SCAPER: variants seen among roughly 807,000 people sequenced by gnomAD.
SCAPER encodes the protein S-phase cyclin A associated protein in the ER, also known as S phase cyclin A-associated protein in the endoplasmic reticulum.
A neutral mutation model predicts 182.2 loss-of-function variants in SCAPER; 98 were observed. That is an observed-to-expected ratio of 0.54 (90% CI 0.46 to 0.64). The LOEUF (loss-of-function observed/expected upper bound fraction) is 0.64, where lower values mean the gene tolerates loss of function less well. SCAPER is among the 30% of genes least tolerant of loss of function. The pLI is 0.00. For missense variants in SCAPER, 1,432 were observed against 1,690.0 expected (o/e 0.85, Z 2.68); for synonymous variants, 605 against 564.6 (o/e 1.07, Z -1.01).
intron 18 of SCAPER, 49 bp from the exon 19 acceptor site, chr15:76,703,051 G>A: frequency 4.0e-6 from 6 of 1,492,774 alleles, no homozygotes; most frequent in African/African-American, 1.4e-5. Context: ...TTCAAATTAT[G>A]GTGAGAAATT....
intron 6 of SCAPER, among the ~76,000 whole-genome samples, chr15:76,801,474 A>C (rs941366418): frequency 6.6e-6 from 1 of 152,214 alleles, no homozygotes; most frequent in African/African-American, 2.4e-5. Context: ...TTTACATTTA[A>C]ATCTCCAGGC....
intron 29 of SCAPER, among the ~76,000 whole-genome samples, chr15:76,366,361 C>T (rs140665722): frequency 1.3e-5 from 2 of 152,266 alleles, no homozygotes; most frequent in East Asian, 3.9e-4. Flanking sequence ...CTGGTCATAA[C>T]CTAATAGCTG....
At chr15:76,554,788 C>CTTT (rs71143339) in intron 23 of SCAPER, among the ~76,000 whole-genome samples, 1 of 71,118 alleles carries the variant, frequency 1.4e-5, no homozygotes, top group African/African-American at 3.3e-5. Context: ...ATTCAGCATT[C>CTTT]TTTTTTTTTT....
At chr15:76,713,577 A>C (rs2059714570) in intron 17 of SCAPER, among the ~76,000 whole-genome samples, 1 of 152,060 alleles carries the variant, frequency 6.6e-6, no homozygotes, top group Non-Finnish European at 1.5e-5. Context: ...GGAAATGAAC[A>C]ATGAGAACAC....
At chr15:76,378,662 G>A (rs370756314) in intron 28 of SCAPER, among the ~76,000 whole-genome samples, 4 of 152,162 alleles carry the variant, frequency 2.6e-5, no homozygotes, top group Non-Finnish European at 5.9e-5. Context: ...GCTTATGACT[G>A]ATTCAACCAA....
chr15:76,421,173 C>A (rs1360407668), intron 26 of SCAPER, among the ~76,000 whole-genome samples: 1 of 152,198 alleles, frequency 6.6e-6, no homozygotes, highest in Admixed American at 6.5e-5. Context: ...ATTTCTAGTT[C>A]TAGATCCTTG....
At chr15:76,709,335 C>T (rs1269755407) in intron 17 of SCAPER, among the ~76,000 whole-genome samples, 3 of 152,050 alleles carry the variant, frequency 2.0e-5, no homozygotes, top group Admixed American at 6.5e-5. Flanking sequence ...GGGGTTTCAC[C>T]ATGTTGGCCA....
chr15:76,762,678 C>A (rs750227840), intron 14 of SCAPER, among the ~76,000 whole-genome samples: 1 of 152,032 alleles, frequency 6.6e-6, no homozygotes, highest in Non-Finnish European at 1.5e-5. Context: ...TAACAGGATG[C>A]GGCTCTATTT....
intron 20 of SCAPER, among the ~76,000 whole-genome samples, chr15:76,699,145 C>G (rs141714639): frequency 1.3e-5 from 2 of 152,264 alleles, no homozygotes; most frequent in East Asian, 3.9e-4. Context: ...AGTTGTTTAT[C>G]AGATCTAGGA....
chr15:76,681,185 C>G (rs1350442257), intron 20 of SCAPER, among the ~76,000 whole-genome samples: 1 of 152,178 alleles, frequency 6.6e-6, no homozygotes, highest in African/African-American at 2.4e-5. Flanking sequence ...AAGCTCTCTA[C>G]TGTAATACAC....
chr15:76,423,057 T>C (rs529357368), intron 26 of SCAPER, among the ~76,000 whole-genome samples: 97 of 152,324 alleles, frequency 6.4e-4, no homozygotes, highest in Admixed American at 2.7e-3. Flanking sequence ...TTGATGTTCA[T>C]CAGGGATATT....
intron 25 of SCAPER, among the ~76,000 whole-genome samples, chr15:76,452,928 C>A (rs1318897587): frequency 6.6e-6 from 1 of 152,000 alleles, no homozygotes; most frequent in Non-Finnish European, 1.5e-5. Context: ...TCTCTTGGGC[C>A]CAAGTGATCC....
chr15:76,744,511 T>C (rs536415814), intron 15 of SCAPER, among the ~76,000 whole-genome samples: 1 of 152,072 alleles, frequency 6.6e-6, no homozygotes, highest in East Asian at 1.9e-4. Flanking sequence ...GACATACAAG[T>C]GTCCAACTAA....
intron 3 of SCAPER, 47 bp downstream of exon 3, chr15:76,862,369 C>T: frequency 8.2e-7 from 1 of 1,218,872 alleles, no homozygotes; most frequent in Non-Finnish European, 1.2e-6. Context: ...ACTAAATACA[C>T]CCTCCTTATT....
At chr15:76,717,754 G>A (rs1436164957) in intron 17 of SCAPER, among the ~76,000 whole-genome samples, 1 of 152,064 alleles carries the variant, frequency 6.6e-6, no homozygotes, top group African/African-American at 2.4e-5. Flanking sequence ...TGTAACAATT[G>A]TAAATATATA....
intron 22 of SCAPER, among the ~76,000 whole-genome samples, chr15:76,588,376 G>C (rs988846530): frequency 6.6e-6 from 1 of 152,104 alleles, no homozygotes; most frequent in African/African-American, 2.4e-5. Context: ...AATCGCTGTT[G>C]CTTTGAAGTT....
Position 76,652,343 on chromosome 15 carries a change from T to TACACACAC in SCAPER, c.2645+13302_2645+13309dup, listed in dbSNP as rs1230104329. 2.1e-3 allele frequency among the ~76,000 whole-genome samples: 26 copies of TACACACAC among 12,218 alleles called. 1 individual carries two copies. Among genetic ancestry groups the TACACACAC allele is most frequent in the Non-Finnish European group, 2.8e-3 (20 of 7,258 alleles). The allele number at this position is 12,218 out of a possible 152,430, so 8.0% of individuals were successfully genotyped here. On this transcript the variant is annotated intron_variant, in intron 21 of 31. Transcript: ENST00000563290. ...ACACACACACACACATACACATATATACACACACACACACACACACACACA... is the reference window on the plus strand; with the variant it reads ...ACACACACACACACATACACATATATACACACACACACACACACACACACACACACACA...
In SCAPER at chr15:76,628,098, G is replaced by C. The variant is rs544848201; in HGVS notation, c.2646-6269C>G. ...CCGCATGAATGTCTTCTTTTGAGAA[G>C]TGTCTGTTCATGTCCTTGGCCCACT... is the stretch of plus-strand genomic sequence containing the variant. On this transcript the variant is annotated intron_variant, in intron 21 of 31. Coordinates refer to ENST00000563290, the MANE Select transcript of SCAPER (RefSeq NM_020843.4). 9.7e-4 allele frequency among the ~76,000 whole-genome samples: 148 copies of C among 152,304 alleles called. 7 individuals carry two copies. The South Asian group carries it at 0.022, about 22-fold the overall frequency.
intron 20 of SCAPER, among the ~76,000 whole-genome samples, chr15:76,690,014 T>C (rs1050103962): frequency 2.6e-5 from 4 of 151,988 alleles, no homozygotes; most frequent in African/African-American, 7.2e-5. Context: ...AAATTTTATA[T>C]AGATAGTCCT....
Sources: gnomAD v4.1 joint callset for allele counts (sites outside exome capture counted in the v4.1 genomes callset) on GRCh38, gnomAD v4.1.1 for gene constraint, MANE v1.5 for transcripts, NCBI Gene and HGNC (gene_info 2026-07-23, HGNC 2026-07-21) for gene names.